The following INTS9 variants were observed in gnomAD, a reference collection of about 807,000 sequenced individuals.
The protein encoded by INTS9 is protein related to CPSF subunits of 74 kDa.
In INTS9, 55 loss-of-function variants were observed where a neutral mutation model predicts 79.7. The ratio of observed to expected loss-of-function variants is 0.69; its 90% CI spans 0.56 to 0.86. The LOEUF is 0.86. Among genes scored for constraint, INTS9 ranks in the 40% least tolerant of loss-of-function variants. The pLI is 0.00. For synonymous variants in INTS9, 319 were observed against 325.2 expected, an observed-to-expected ratio of 0.98 and a Z score of 0.20; for missense variants, 721 against 831.5, an observed-to-expected ratio of 0.87 and a Z score of 1.64.
chr8:28,858,709 A>G (rs988863887), intron 2 of INTS9, among the ~76,000 whole-genome samples: 4 of 152,230 alleles, frequency 2.6e-5, no homozygotes, highest in Non-Finnish European at 5.9e-5. Flanking sequence ...GTCTTCAGGA[A>G]TGACTGAGAT....
chr8:28,844,008 G>T (rs959268753), intron 4 of INTS9, among the ~76,000 whole-genome samples: 1 of 152,118 alleles, frequency 6.6e-6, no homozygotes, highest in Non-Finnish European at 1.5e-5. Context: ...ACTCTTTACT[G>T]CAATATGCAA....
intron 7 of INTS9, 61 bp from the exon 8 acceptor site, chr8:28,812,522 T>C (rs758900092): frequency 8.4e-6 from 13 of 1,545,862 alleles, no homozygotes; most frequent in Non-Finnish European, 1.1e-5. Context: ...CATGAGGTAA[T>C]TCTGCAGGGA....
intron 4 of INTS9, among the ~76,000 whole-genome samples, chr8:28,845,584 A>C (rs569517892): frequency 9.2e-5 from 14 of 152,334 alleles, no homozygotes; most frequent in African/African-American, 3.4e-4. Context: ...GGTGTCCATA[A>C]ATGGAAGGTT....
chr8:28,841,514 A>G (rs1807184380), intron 4 of INTS9, among the ~76,000 whole-genome samples: 1 of 152,196 alleles, frequency 6.6e-6, no homozygotes. Flanking sequence ...TTCTGTTGGT[A>G]TATATCAAGA....
intron 1 of INTS9, 40 bp from the exon 2 acceptor site, chr8:28,859,603 A>T: frequency 6.2e-7 from 1 of 1,604,090 alleles, no homozygotes; most frequent in Admixed American, 1.7e-5. Flanking sequence ...AATCAATTAC[A>T]GAAGAATCCT....
intron 6 of INTS9, among the ~76,000 whole-genome samples, chr8:28,833,092 G>C (rs1806593658): frequency 1.3e-5 from 2 of 152,168 alleles, no homozygotes; most frequent in African/African-American, 4.8e-5. Context: ...TGTGTACAAA[G>C]GAATGCACGG....
In INTS9 at chr8:28,777,906, C is replaced by A; in HGVS notation, c.1318G>T (p.Ala440Ser). Residue 440 changes from alanine (A) to serine (S), a missense_variant, in exon 13 of 17, where the codon GCC becomes TCC. By Grantham distance (99) the Ala-to-Ser change is moderately conservative. Around this residue, in one of 3 missense-constraint regions of INTS9, gnomAD observed 281 missense variants for 300.8 expected, o/e 0.93. Coordinates refer to ENST00000521022, the MANE Select transcript of INTS9 (RefSeq NM_018250.4). ...ATGGGGCAGTAGATGCATTTCATGGCCAGCGGCTGGTAAGGAGCCAGGGCT... is the reference window on the plus strand; with the variant it reads ...ATGGGGCAGTAGATGCATTTCATGGACAGCGGCTGGTAAGGAGCCAGGGCT... ...LEALAPYQPL[A>S]MKCIYCPIDT... 3 of 1,612,558 alleles carry A rather than the reference C, an allele frequency of 1.9e-6. No individual in the cohort carries two copies. The highest frequency in any genetic ancestry group is 1.7e-6 in the Non-Finnish European group (2 of 1,179,270).
rs770115032 is a variant in INTS9 at position 28,780,841 on chromosome 8, T to C, written c.1252A>G (p.Asn418Asp). Residue 418 changes from asparagine to aspartate, a missense_variant, in exon 12 of 17, where the codon AAT becomes GAT. Around this residue, in one of 3 missense-constraint regions of INTS9, gnomAD observed 149 missense variants for 223.7 expected, o/e 0.67. Transcript: ENST00000521022. ...FMELWGKSSL[N>D]TVIFTEPDFS... ...CACTTACCCGTGAATATGACGGTAT[T>C]GAGACTAGATTTTCCCCAGAGCTCC... 5 of 1,614,032 alleles carry C rather than the reference T, an allele frequency of 3.1e-6. No individual in the cohort carries two copies. Among genetic ancestry groups the C allele is most frequent in the Non-Finnish European group, 8.5e-7 (1 of 1,180,030 alleles).
intron 8 of INTS9, among the ~76,000 whole-genome samples, chr8:28,811,476 C>T (rs1036060755): frequency 2.2e-4 from 33 of 151,126 alleles, no homozygotes; most frequent in African/African-American, 8.0e-4. Context: ...CACTGGAGTA[C>T]GGTGGCGCAA....
chr8:28,834,681 T>G (rs1389839297), intron 6 of INTS9, among the ~76,000 whole-genome samples: 1 of 151,766 alleles, frequency 6.6e-6, no homozygotes, highest in Non-Finnish European at 1.5e-5. Context: ...CATCTGTTTT[T>G]TTTTTTTTTT....
chr8:28,888,587 A>G (rs1397864862), intron 1 of INTS9, among the ~76,000 whole-genome samples: 1 of 152,112 alleles, frequency 6.6e-6, no homozygotes, highest in Non-Finnish European at 1.5e-5. Flanking sequence ...TTACTTTTCT[A>G]TCTTCTTCTT....
rs34619082 is a variant in INTS9, at chr8:28,878,477, TA to T, written c.9+11396del. Among the ~76,000 whole-genome samples, 883 of 136,448 alleles carry T rather than the reference TA, an allele frequency of 6.5e-3. 4 individuals are homozygous for T. Among genetic ancestry groups the T allele is most frequent in the African/African-American group, 0.013 (491 of 37,550 alleles). The allele number at this position is 136,448 out of a possible 152,430, so 89.5% of individuals were successfully genotyped here. ...ACAGGTGTGTGCCACCACATCCAGCTAAAAAAAAAAAAAAATTGTTTTTTTG... is the reference window on the plus strand; with the variant it reads ...ACAGGTGTGTGCCACCACATCCAGCTAAAAAAAAAAAAAATTGTTTTTTTG... On this transcript the variant is annotated intron_variant, in intron 1 of 16. Transcript: ENST00000521022.
chr8:28,805,396 GC>G (rs1419175321), intron 8 of INTS9, among the ~76,000 whole-genome samples: 1 of 152,178 alleles, frequency 6.6e-6, no homozygotes, highest in Admixed American at 6.5e-5. Context: ...GGCCTCACAG[GC>G]TTACCACTTC....
chr8:28,846,848 T>C, intron 3 of INTS9, 39 bp from the exon 4 acceptor site: 1 of 1,466,936 alleles, frequency 6.8e-7, no homozygotes, highest in Non-Finnish European at 9.6e-7. Context: ...GGAAGAGATA[T>C]CCAGTAGATA....
At chr8:28,880,944 C>T (rs1030001987) in intron 1 of INTS9, among the ~76,000 whole-genome samples, 1 of 149,152 alleles carries the variant, frequency 6.7e-6, no homozygotes, top group African/African-American at 2.5e-5. Context: ...TCTGCTGGGC[C>T]GCAACCCTGT....
chr8:28,843,757 C>CT (rs1188210086), intron 4 of INTS9, among the ~76,000 whole-genome samples: 4 of 149,554 alleles, frequency 2.7e-5, no homozygotes, highest in African/African-American at 4.9e-5. Context: ...AACAATGGTC[C>CT]TTTTTTTACA....
At chr8:28,770,748 T>A (rs1473681344) in intron 15 of INTS9, among the ~76,000 whole-genome samples, 1 of 152,104 alleles carries the variant, frequency 6.6e-6, no homozygotes, top group African/African-American at 2.4e-5. Flanking sequence ...CCTGCACGTC[T>A]CCCCACAGCC....
intron 2 of INTS9, among the ~76,000 whole-genome samples, chr8:28,851,821 G>A (rs927683050): frequency 6.6e-6 from 1 of 152,180 alleles, no homozygotes; most frequent in South Asian, 2.1e-4. Flanking sequence ...TTGCAAGGAT[G>A]TGAATACAAT....
chr8:28,804,066 G>C (rs1016859289), intron 8 of INTS9, among the ~76,000 whole-genome samples: 3 of 152,114 alleles, frequency 2.0e-5, no homozygotes, highest in African/African-American at 7.2e-5. Context: ...TGGGACCACA[G>C]GTATGTGCCA....
Sources: allele counts gnomAD v4.1 joint callset (sites outside exome capture counted in the v4.1 genomes callset), GRCh38; gene constraint gnomAD v4.1.1; regional missense constraint gnomAD v4.1.1; transcripts MANE v1.5; gene names NCBI Gene and HGNC (gene_info 2026-07-23, HGNC 2026-07-21).